The following SLC24A3 variants were observed in gnomAD, a reference collection of about 807,000 sequenced individuals.
SLC24A3 encodes solute carrier family 24 member 3.
Under a neutral mutation model 75.8 loss-of-function variants are expected in SLC24A3, and 28 were observed. The ratio of observed to expected loss-of-function variants is 0.37; its 90% confidence interval spans 0.27 to 0.51. The LOEUF is 0.51. SLC24A3 is among the 20% of genes least tolerant of loss of function. The probability of loss-of-function intolerance (pLI) is 0.94; values close to 1 mark genes in which losing one functional copy is unlikely to be tolerated. For missense variants in SLC24A3, 663 were observed against 847.8 expected (o/e 0.78, Z 2.71); for synonymous variants, 372 against 334.1 (o/e 1.11, Z -1.24).
At chr20:19,323,622 C>G (rs1055681755) in intron 2 of SLC24A3, among the ~76,000 whole-genome samples, 4 of 152,272 alleles carry the variant, frequency 2.6e-5, no homozygotes, top group Non-Finnish European at 4.4e-5. Context: ...TCAGTTTTCC[C>G]CCTGTGAACC....
Position 19,569,941 on chromosome 20 carries a change from C to G in SLC24A3, c.349-10059C>G, listed in dbSNP as rs555828707. On this transcript the variant is annotated intron_variant, in intron 3 of 16. Transcript: ENST00000328041. ...AGAAAAGAGTTCTCTTTGGTCAAACCCTTTTGAGTTGGCTTCTGCTTTCTG... is the reference window on the plus strand; with the variant it reads ...AGAAAAGAGTTCTCTTTGGTCAAACGCTTTTGAGTTGGCTTCTGCTTTCTG... Among the ~76,000 whole-genome samples, 89 of 152,252 alleles carry G rather than the reference C, an allele frequency of 5.8e-4. 1 individual carries two copies. Among genetic ancestry groups the G allele is most frequent in the African/African-American group, 2.1e-3 (88 of 41,552 alleles).
chr20:19,487,603 A>G (rs1410161794), intron 2 of SLC24A3, among the ~76,000 whole-genome samples: 1 of 152,174 alleles, frequency 6.6e-6, no homozygotes, highest in Admixed American at 6.5e-5. Flanking sequence ...CTCTCTGAAG[A>G]ACTGAATCCC....
At chr20:19,692,206 A>G (rs2032752218) in intron 12 of SLC24A3, among the ~76,000 whole-genome samples, 1 of 152,228 alleles carries the variant, frequency 6.6e-6, no homozygotes, top group Non-Finnish European at 1.5e-5. Flanking sequence ...AAATGGTTCA[A>G]TCATTTTGGA....
At chr20:19,484,353 G>C (rs1343003871) in intron 2 of SLC24A3, among the ~76,000 whole-genome samples, 1 of 152,056 alleles carries the variant, frequency 6.6e-6, no homozygotes, top group African/African-American at 2.4e-5. Flanking sequence ...ATTGCATTTT[G>C]ACTGCGACCT....
chr20:19,318,719 G>A (rs1248626416), intron 2 of SLC24A3, among the ~76,000 whole-genome samples: 1 of 152,060 alleles, frequency 6.6e-6, no homozygotes, highest in Non-Finnish European at 1.5e-5. Context: ...CTTAGTTTTA[G>A]TGGGAAAAGA....
At chr20:19,701,477 G>A (rs1272108109) in intron 15 of SLC24A3, among the ~76,000 whole-genome samples, 1 of 152,202 alleles carries the variant, frequency 6.6e-6, no homozygotes, top group African/African-American at 2.4e-5. Context: ...TTATCAAGAA[G>A]TTCAGCTCTG....
chr20:19,449,012 C>T (rs548271267), intron 2 of SLC24A3, among the ~76,000 whole-genome samples: 76 of 152,274 alleles, frequency 5.0e-4, no homozygotes, highest in Non-Finnish European at 8.1e-4. Flanking sequence ...CATGTAGGGA[C>T]CTGCCTGTTT....
chr20:19,711,027 CACATGCAGTCTCACTGCCTCCCAGTAT>C lies in SLC24A3; in HGVS notation c.1720-6500_1720-6474del, dbSNP rs2032981766. Among the ~76,000 whole-genome samples the C allele has an allele frequency of 3.9e-4, 6 of 15,320 alleles. No homozygotes were observed. The Admixed American group carries it at 4.3e-3, about 11-fold the overall frequency. The allele number at this position is 15,320 out of a possible 152,430, so 10.1% of individuals were successfully genotyped here. On this transcript the variant is annotated intron_variant, in intron 15 of 16. Transcript: ENST00000328041. ...TGCAGTCTCACTGCCTCCCAGTATG[CACATGCAGTCTCACTGCCTCCCAGTAT>C]GCACATGCATGCACACATGCAGACA... is the stretch of plus-strand genomic sequence containing the variant.
At chr20:19,683,496 G>T (rs2032637750) in intron 10 of SLC24A3, among the ~76,000 whole-genome samples, 1 of 152,180 alleles carries the variant, frequency 6.6e-6, no homozygotes, top group South Asian at 2.1e-4. Context: ...TCTGACCTCG[G>T]TTCTCTGTAA....
rs41308060 is a variant in SLC24A3, at chr20:19,721,231, C to A, written c.*91C>A. On this transcript the variant is annotated 3_prime_UTR_variant, in exon 17 of 17. Coordinates refer to ENST00000328041, the MANE Select transcript of SLC24A3 (RefSeq NM_020689.4). ...CGAGTCACACAGGCCCCCGGGGCCA[C>A]GGCGTTCGTCTCTCCTGTGCTGTCC... 3 of 1,515,602 alleles carry A rather than the reference C, an allele frequency of 2.0e-6. No homozygotes were observed. Among genetic ancestry groups the A allele is most frequent in the East Asian group, 4.5e-5 (2 of 44,400 alleles). The allele number at this position is 1,515,602 out of a possible 1,614,324, so 93.9% of individuals were successfully genotyped here.
chr20:19,567,363 G>A (rs1304291129), intron 3 of SLC24A3, among the ~76,000 whole-genome samples: 1 of 152,208 alleles, frequency 6.6e-6, no homozygotes, highest in Non-Finnish European at 1.5e-5. Context: ...ATGAGGTCAT[G>A]TCCTTTGTAG....
intron 3 of SLC24A3, among the ~76,000 whole-genome samples, chr20:19,545,189 A>G (rs1029139359): frequency 1.3e-5 from 2 of 152,184 alleles, no homozygotes; most frequent in African/African-American, 4.8e-5. Flanking sequence ...CAATATACTC[A>G]CAGTGTGGGT....
intron 6 of SLC24A3, among the ~76,000 whole-genome samples, chr20:19,652,553 T>C (rs549012345): frequency 6.6e-5 from 10 of 152,358 alleles, no homozygotes; most frequent in Admixed American, 3.9e-4. Flanking sequence ...AATTCTCTTC[T>C]TGACAACCCT....
intron 2 of SLC24A3, among the ~76,000 whole-genome samples, chr20:19,413,234 AAAC>A (rs1352747091): frequency 6.6e-6 from 1 of 152,222 alleles, no homozygotes; most frequent in African/African-American, 2.4e-5. Context: ...CATTTTCTGA[AAAC>A]AGAAAGAAAA....
intron 2 of SLC24A3, among the ~76,000 whole-genome samples, chr20:19,500,577 T>C (rs558615236): frequency 2.0e-5 from 3 of 152,366 alleles, no homozygotes; most frequent in African/African-American, 7.2e-5. Flanking sequence ...AAAGAATTTA[T>C]TTTAATAAAT....
rs1300118201 is a variant in SLC24A3, at chr20:19,235,695, T to TTCCAGCGCA, written c.142+22714_142+22722dup. Among the ~76,000 whole-genome samples, 10 of 152,308 alleles carry TTCCAGCGCA rather than the reference T, an allele frequency of 6.6e-5. No homozygotes were observed. In the East Asian group the frequency reaches 1.7e-3, roughly 26 times the overall value. ...GACCCCAACCCCTTCCTCCTGACTG[T>TTCCAGCGCA]TCCAGCGCATCACATGGACTGAGCT... On this transcript the variant is annotated intron_variant, in intron 1 of 16. Transcript: ENST00000328041.
chr20:19,638,235 A>G (rs2032025460), intron 6 of SLC24A3, among the ~76,000 whole-genome samples: 2 of 152,188 alleles, frequency 1.3e-5, no homozygotes, highest in African/African-American at 2.4e-5. Context: ...AGTGGGATTC[A>G]ATAGATGATA....
intron 1 of SLC24A3, among the ~76,000 whole-genome samples, chr20:19,224,530 A>G (rs141614716): frequency 1.3e-3 from 200 of 152,284 alleles, no homozygotes; most frequent in African/African-American, 4.7e-3. Context: ...TGGCTTGTTA[A>G]CAATTTCTTT....
intron 6 of SLC24A3, among the ~76,000 whole-genome samples, chr20:19,610,178 C>T (rs1894161495): frequency 6.6e-6 from 1 of 152,104 alleles, no homozygotes; most frequent in Non-Finnish European, 1.5e-5. Context: ...CCTTCCACTT[C>T]CTTCTTATCA....
Sources: gnomAD v4.1 joint callset for allele counts (sites outside exome capture counted in the v4.1 genomes callset) on GRCh38, gnomAD v4.1.1 for gene constraint, MANE v1.5 for transcripts, NCBI Gene and HGNC (gene_info 2026-07-23, HGNC 2026-07-21) for gene names.